Variants in MTMR7 observed in about 807,000 individuals in gnomAD.
The protein encoded by MTMR7 is myotubularin related protein 7.
In MTMR7, 76 loss-of-function variants were observed where a neutral mutation model predicts 81.2. The ratio of observed to expected loss-of-function variants is 0.94; its 90% CI spans 0.78 to 1.13. The LOEUF is 1.13. Ranked by LOEUF, MTMR7 falls within the 50% of genes most tolerant of loss-of-function variation. The pLI is 0.00. For missense variants in MTMR7, 1,044 were observed against 820.0 expected (o/e 1.27, Z -3.34); for synonymous variants, 372 against 289.8 (o/e 1.28, Z -2.88).
intron 7 of MTMR7, among the ~76,000 whole-genome samples, chr8:17,326,998 C>T (rs1818715405): frequency 6.6e-6 from 1 of 152,224 alleles, no homozygotes; most frequent in Non-Finnish European, 1.5e-5. Flanking sequence ...CCATTCTGCA[C>T]ATGCTCTCCT....
intron 7 of MTMR7, among the ~76,000 whole-genome samples, chr8:17,329,335 A>G (rs7460616): frequency 0.5 from 75,312 of 152,032 alleles, 19,961 homozygotes; most frequent in African/African-American, 0.68. Context: ...GACCACGTAC[A>G]GGCATCCAGA....
intron 1 of MTMR7, among the ~76,000 whole-genome samples, chr8:17,401,421 T>C (rs1821426227): frequency 2.0e-5 from 3 of 152,100 alleles, no homozygotes; most frequent in South Asian, 4.2e-4. Context: ...AGTGGGGTAG[T>C]TGTGGGAAAT....
At chr8:17,383,705 C>A (rs1464480442) in intron 1 of MTMR7, among the ~76,000 whole-genome samples, 1 of 152,060 alleles carries the variant, frequency 6.6e-6, no homozygotes, top group African/African-American at 2.4e-5. Context: ...CTGGTACAGA[C>A]CAGCTTGGCT....
chr8:17,359,347 T>C (rs953902141), intron 4 of MTMR7, among the ~76,000 whole-genome samples: 3 of 152,012 alleles, frequency 2.0e-5, no homozygotes, highest in Non-Finnish European at 4.4e-5. Flanking sequence ...CACATAATTA[T>C]AGCAATTTGG....
At chr8:17,320,144 T>G (rs1246104893) in intron 7 of MTMR7, among the ~76,000 whole-genome samples, 1 of 151,870 alleles carries the variant, frequency 6.6e-6, no homozygotes, top group African/African-American at 2.4e-5. Flanking sequence ...ATATATATAT[T>G]TACATAACAT....
intron 1 of MTMR7, among the ~76,000 whole-genome samples, chr8:17,401,804 C>T (rs897807076): frequency 4.6e-5 from 7 of 151,904 alleles, no homozygotes; most frequent in Non-Finnish European, 2.9e-5. Context: ...GGGTGTGAGA[C>T]GAGAGGGAAT....
At chr8:17,375,813 G>T (rs1820567649) in intron 1 of MTMR7, among the ~76,000 whole-genome samples, 1 of 151,990 alleles carries the variant, frequency 6.6e-6, no homozygotes, top group Admixed American at 6.6e-5. Context: ...TTGTATAATA[G>T]CATTAATTAG....
At chr8:17,352,921 C>T (rs1163038981) in intron 4 of MTMR7, among the ~76,000 whole-genome samples, 1 of 152,138 alleles carries the variant, frequency 6.6e-6, no homozygotes, top group African/African-American at 2.4e-5. Flanking sequence ...AGAATTCCTA[C>T]ATGATCCAGC....
At chr8:17,300,991 G>A (rs1254684769) in intron 13 of MTMR7, among the ~76,000 whole-genome samples, 1 of 152,178 alleles carries the variant, frequency 6.6e-6, no homozygotes, top group African/African-American at 2.4e-5. Flanking sequence ...CCATTACATG[G>A]ATATACCAGA....
chr8:17,317,610 G>C (rs1438362602), intron 7 of MTMR7, among the ~76,000 whole-genome samples: 2 of 152,172 alleles, frequency 1.3e-5, no homozygotes, highest in African/African-American at 2.4e-5. Flanking sequence ...TGGAAGTGTG[G>C]AAAGAGGCTT....
Position 17,300,067 on chromosome 8 carries a change from C to T in MTMR7, c.1778G>A (p.Ser593Asn). Residue 593 changes from serine to asparagine, a missense_variant, in exon 14 of 14, where the codon AGC becomes AAC. Ser to Asn is a conservative substitution (Grantham distance 46, BLOSUM62 1). Coordinates refer to ENST00000180173, the MANE Select transcript of MTMR7 (RefSeq NM_004686.5). Reference sequence around the variant, plus strand: ...AGAATCTTCATCGCCTTGTGAAGGGCTCCGGGATGGAAATGATTTCATATT... The same window carrying T: ...AGAATCTTCATCGCCTTGTGAAGGGTTCCGGGATGGAAATGATTTCATATT... ...SGNMKSFPSR[S>N]PSQGDEDSAL... The T allele has an allele frequency of 6.2e-7, 1 of 1,614,110 alleles. No homozygotes were observed. Among genetic ancestry groups the T allele is most frequent in the Non-Finnish European group, 8.5e-7 (1 of 1,180,006 alleles).
intron 1 of MTMR7, among the ~76,000 whole-genome samples, chr8:17,408,871 A>G (rs775445233): frequency 4.6e-5 from 7 of 152,186 alleles, no homozygotes; most frequent in Non-Finnish European, 8.8e-5. Flanking sequence ...TGGGGGTGAC[A>G]AAAGTGTTCT....
chr8:17,299,880 G>A lies in MTMR7; in HGVS notation c.1965C>T (p.Ala655=), dbSNP rs752553181. The change falls in exon 14 of 14, where the codon GCC becomes GCT. Residue 655 remains alanine, a synonymous_variant. Coordinates refer to ENST00000180173, the MANE Select transcript of MTMR7 (RefSeq NM_004686.5). Reference sequence around the variant, plus strand: ...GGAAACTTCAGGCAGTGAGAAACACGGCTTCATCAGAATCCCGGTCCTTGC... The same window carrying A: ...GGAAACTTCAGGCAGTGAGAAACACAGCTTCATCAGAATCCCGGTCCTTGC... ...DSGKDRDSDE[A]VFLTA The A allele has an allele frequency of 3.7e-6, 6 of 1,613,902 alleles. No homozygotes were observed. Among genetic ancestry groups the A allele is most frequent in the East Asian group, 2.2e-5 (1 of 44,876 alleles).
At chr8:17,344,087 TATTTA>T (rs111363267) in intron 5 of MTMR7, among the ~76,000 whole-genome samples, 2,193 of 152,336 alleles carry the variant, frequency 0.014, 56 homozygotes, top group African/African-American at 0.05. Flanking sequence ...TGCATATTTT[TATTTA>T]ATTAGCCTAA....
At chr8:17,405,897 T>A (rs1339867449) in intron 1 of MTMR7, among the ~76,000 whole-genome samples, 1 of 151,440 alleles carries the variant, frequency 6.6e-6, no homozygotes, top group African/African-American at 2.4e-5. Context: ...AAAATGGACA[T>A]GATTTTCTTT....
intron 6 of MTMR7, among the ~76,000 whole-genome samples, chr8:17,340,989 G>A (rs1819392467): frequency 6.6e-6 from 1 of 152,168 alleles, no homozygotes; most frequent in South Asian, 2.1e-4. Context: ...CGCAACAATT[G>A]AACTGCTGGA....
chr8:17,328,099 A>C (rs989044123), intron 7 of MTMR7, among the ~76,000 whole-genome samples: 1 of 152,200 alleles, frequency 6.6e-6, no homozygotes, highest in African/African-American at 2.4e-5. Context: ...AGGCAGGCAC[A>C]AAGCTACTCG....
intron 1 of MTMR7, among the ~76,000 whole-genome samples, chr8:17,391,135 G>A (rs938317358): frequency 7.9e-5 from 12 of 152,144 alleles, no homozygotes; most frequent in African/African-American, 2.4e-4. Context: ...CTACGAGGAC[G>A]TGAGGACTTC....
chr8:17,315,921 G>C (rs757961169), intron 7 of MTMR7, among the ~76,000 whole-genome samples: 1 of 152,204 alleles, frequency 6.6e-6, no homozygotes, highest in African/African-American at 2.4e-5. Flanking sequence ...GCTGAGTTGA[G>C]AGGATCACTT....
Sources: gnomAD v4.1 joint callset for allele counts (sites outside exome capture counted in the v4.1 genomes callset) on GRCh38, gnomAD v4.1.1 for gene constraint, MANE v1.5 for transcripts, NCBI Gene and HGNC (gene_info 2026-07-23, HGNC 2026-07-21) for gene names.